The following FER variants were observed in gnomAD, a reference collection of about 807,000 sequenced individuals.
FER encodes tyrosine-protein kinase Fer.
Under a neutral mutation model 111.0 loss-of-function variants are expected in FER, and 63 were observed. The ratio of observed to expected loss-of-function variants is 0.57; its 90% CI spans 0.46 to 0.70. The LOEUF (loss-of-function observed/expected upper bound fraction) is 0.70. Ranked by LOEUF, FER falls within the 30% of genes least tolerant of loss-of-function variation. The pLI is 0.00. For missense variants in FER, 914 were observed against 954.0 expected, an observed-to-expected ratio of 0.96 and a Z score of 0.55; for synonymous variants, 327 against 313.9, an observed-to-expected ratio of 1.04 and a Z score of -0.44.
In FER at chr5:108,826,872, C is replaced by T. The variant is rs181500503; in HGVS notation, c.208-5898C>T. Among the ~76,000 whole-genome samples, 472 of 152,196 alleles carry T rather than the reference C, an allele frequency of 3.1e-3. 2 individuals carry two copies. The highest frequency in any genetic ancestry group is 0.011 in the African/African-American group (448 of 41,530). ...ATAGCACCTTGTTCTTTGCAGACTCCCAGCTCTGTCTCCTCAATTCAGGGA... is the reference window on the plus strand; with the variant it reads ...ATAGCACCTTGTTCTTTGCAGACTCTCAGCTCTGTCTCCTCAATTCAGGGA... On this transcript the variant is annotated intron_variant, in intron 3 of 19. Coordinates refer to ENST00000281092, the MANE Select transcript of FER (RefSeq NM_005246.4).
intron 17 of FER, among the ~76,000 whole-genome samples, chr5:109,119,470 A>C (rs912007144): frequency 2.0e-5 from 3 of 152,178 alleles, no homozygotes; most frequent in Non-Finnish European, 2.9e-5. Flanking sequence ...TGGTGCTAAA[A>C]AGAATGTATA....
chr5:108,928,276 A>G (rs1561630105), intron 10 of FER, among the ~76,000 whole-genome samples: 1 of 152,132 alleles, frequency 6.6e-6, no homozygotes, highest in Non-Finnish European at 1.5e-5. Flanking sequence ...GCTTTTGTAA[A>G]TATCTATATT....
chr5:108,797,178 G>A (rs1756124802), intron 2 of FER, among the ~76,000 whole-genome samples: 1 of 152,002 alleles, frequency 6.6e-6, no homozygotes, highest in Non-Finnish European at 1.5e-5. Context: ...AGGAGGTAGG[G>A]CCTATAATAG....
intron 17 of FER, among the ~76,000 whole-genome samples, chr5:109,148,434 G>A (rs1754472058): frequency 6.6e-6 from 1 of 152,120 alleles, no homozygotes; most frequent in South Asian, 2.1e-4. Context: ...AGATTGAAAA[G>A]ACAGTAAAGG....
chr5:108,973,891 A>G (rs1413770255), intron 13 of FER, among the ~76,000 whole-genome samples: 1 of 152,150 alleles, frequency 6.6e-6, no homozygotes, highest in Non-Finnish European at 1.5e-5. Context: ...TCATTTCTTA[A>G]TGTTCATAAT....
chr5:108,767,978 A>G (rs1257864776), intron 1 of FER, 115 bp from the exon 2 acceptor site: 2 of 152,236 alleles, frequency 1.3e-5, no homozygotes, highest in African/African-American at 4.8e-5. Flanking sequence ...TAACGTAGCA[A>G]TTGTCATAAG....
At chr5:109,117,945 C>T (rs1750463626) in intron 17 of FER, among the ~76,000 whole-genome samples, 1 of 151,996 alleles carries the variant, frequency 6.6e-6, no homozygotes, top group African/African-American at 2.4e-5. Context: ...ACAATCATGT[C>T]ATCTGCAAAT....
At chr5:109,063,929 T>A (rs1046811455) in intron 16 of FER, among the ~76,000 whole-genome samples, 4 of 152,194 alleles carry the variant, frequency 2.6e-5, no homozygotes, top group Non-Finnish European at 4.4e-5. Flanking sequence ...CCCATTTTTA[T>A]TGTATAATTC....
intron 16 of FER, among the ~76,000 whole-genome samples, chr5:109,048,062 A>G (rs1016483248): frequency 1.3e-5 from 2 of 152,176 alleles, no homozygotes; most frequent in Admixed American, 6.5e-5. Context: ...TTTACTTTTA[A>G]CAATTATTTA....
intron 13 of FER, among the ~76,000 whole-genome samples, chr5:109,020,226 CT>C (rs1248636082): frequency 3.9e-5 from 6 of 151,970 alleles, no homozygotes; most frequent in African/African-American, 1.4e-4. Flanking sequence ...TAAAATCAGT[CT>C]TAAAACATCT....
chr5:108,848,188 T>G (rs1762208417), intron 5 of FER, among the ~76,000 whole-genome samples: 1 of 152,210 alleles, frequency 6.6e-6, no homozygotes. Context: ...CCTATCTATA[T>G]TCTTTTTTCA....
intron 10 of FER, among the ~76,000 whole-genome samples, chr5:108,922,978 A>T (rs1439706983): frequency 6.6e-6 from 1 of 152,150 alleles, no homozygotes; most frequent in Non-Finnish European, 1.5e-5. Flanking sequence ...TTGGATTTGA[A>T]TATGTGGCAT....
intron 16 of FER, among the ~76,000 whole-genome samples, chr5:109,048,773 G>A (rs898832575): frequency 6.6e-6 from 1 of 151,678 alleles, no homozygotes; most frequent in Non-Finnish European, 1.5e-5. Context: ...CCAGAAAAAT[G>A]TTTAATGCAG....
chr5:108,963,040 T>C (rs1162990787), intron 13 of FER, among the ~76,000 whole-genome samples: 1 of 152,182 alleles, frequency 6.6e-6, no homozygotes, highest in Non-Finnish European at 1.5e-5. Context: ...AACTATTTGT[T>C]TCTATAAAAG....
intron 17 of FER, among the ~76,000 whole-genome samples, chr5:109,132,417 A>G (rs900811280): frequency 6.6e-6 from 1 of 152,188 alleles, no homozygotes; most frequent in Admixed American, 6.6e-5. Context: ...TCAGTGAACA[A>G]AACAAAAATT....
chr5:109,054,837 A>G (rs1337045229), intron 16 of FER, among the ~76,000 whole-genome samples: 1 of 152,182 alleles, frequency 6.6e-6, no homozygotes, highest in East Asian at 1.9e-4. Flanking sequence ...CTTGTTTTAA[A>G]TGACTATTCT....
intron 5 of FER, among the ~76,000 whole-genome samples, chr5:108,867,343 C>T (rs1329849915): frequency 1.3e-5 from 2 of 152,092 alleles, no homozygotes; most frequent in East Asian, 3.9e-4. Context: ...GTCTTCTCCA[C>T]AAAGCCTCCT....
chr5:108,850,561 A>G (rs561200347), intron 5 of FER, among the ~76,000 whole-genome samples: 1 of 152,128 alleles, frequency 6.6e-6, no homozygotes, highest in Non-Finnish European at 1.5e-5. Flanking sequence ...AACTTGAAGG[A>G]AAATGTGTTA....
At chr5:108,774,310 C>T (rs1456869185) in intron 2 of FER, among the ~76,000 whole-genome samples, 3 of 152,110 alleles carry the variant, frequency 2.0e-5, no homozygotes, top group Non-Finnish European at 2.9e-5. Context: ...CATTGATGGG[C>T]ATTTGGGTTG....
Sources: allele counts gnomAD v4.1 joint callset (sites outside exome capture counted in the v4.1 genomes callset), GRCh38; gene constraint gnomAD v4.1.1; transcripts MANE v1.5; gene names NCBI Gene and HGNC (gene_info 2026-07-23, HGNC 2026-07-21).